The following DIS3L2 variants were observed in gnomAD, a reference collection of about 807,000 sequenced individuals.
DIS3L2 encodes DIS3-like exonuclease 2.
Under a neutral mutation model 97.5 loss-of-function variants are expected in DIS3L2, and 34 were observed. The ratio of observed to expected loss-of-function variants is 0.35; its 90% confidence interval spans 0.27 to 0.46. DIS3L2 has a LOEUF of 0.46. DIS3L2 is among the 20% of genes least tolerant of loss of function. DIS3L2 has a pLI of 1.00. For synonymous variants in DIS3L2, 435 were observed against 445.2 expected, an observed-to-expected ratio of 0.98 and a Z score of 0.29; for missense variants, 1,038 against 1,146.0, an observed-to-expected ratio of 0.91 and a Z score of 1.36.
Position 232,014,993 on chromosome 2 carries a change from A to G in DIS3L2, c.52+14A>G. Reference sequence around the variant, plus strand: ...GGACCCCCAGAGGTAGTAAAAGGAAAATGGAGTCTGCCTGAATAACTGGAG... The same window carrying G: ...GGACCCCCAGAGGTAGTAAAAGGAAGATGGAGTCTGCCTGAATAACTGGAG... On this transcript the variant is annotated intron_variant, in intron 2 of 20. Coordinates refer to ENST00000325385, the MANE Select transcript of DIS3L2 (RefSeq NM_152383.5). 1 of 1,613,768 alleles carries G rather than the reference A, an allele frequency of 6.2e-7. No individual in the cohort carries two copies. Among genetic ancestry groups the G allele is most frequent in the South Asian group, 1.1e-5 (1 of 91,022 alleles).
At chr2:231,998,132 T>G (rs1693778181) in intron 1 of DIS3L2, among the ~76,000 whole-genome samples, 1 of 152,216 alleles carries the variant, frequency 6.6e-6, no homozygotes, top group South Asian at 2.1e-4. Context: ...ATTTGATTTC[T>G]GTTACTATAA....
chr2:232,216,476 A>C (rs1574951172), intron 10 of DIS3L2, among the ~76,000 whole-genome samples: 1 of 152,082 alleles, frequency 6.6e-6, no homozygotes, highest in Non-Finnish European at 1.5e-5. Flanking sequence ...CTTTCCCTGC[A>C]AAGCCACATG....
intron 1 of DIS3L2, among the ~76,000 whole-genome samples, chr2:231,992,307 A>G (rs992556992): frequency 3.3e-5 from 5 of 152,062 alleles, no homozygotes; most frequent in African/African-American, 9.7e-5. Flanking sequence ...CTGTGTGAGA[A>G]TGTGCAGGGA....
intron 8 of DIS3L2, among the ~76,000 whole-genome samples, chr2:232,140,536 A>G (rs1324635922): frequency 6.6e-6 from 1 of 152,224 alleles, no homozygotes; most frequent in African/African-American, 2.4e-5. Flanking sequence ...TTCAAAGTCC[A>G]TGCTTGACAA....
intron 1 of DIS3L2, among the ~76,000 whole-genome samples, chr2:232,001,374 C>A (rs1465696914): frequency 2.0e-5 from 3 of 151,978 alleles, no homozygotes; most frequent in Non-Finnish European, 4.4e-5. Flanking sequence ...CTACCTAGGT[C>A]CTTTTCCCAT....
At chr2:232,174,646 C>T (rs1691097790) in intron 9 of DIS3L2, among the ~76,000 whole-genome samples, 1 of 150,424 alleles carries the variant, frequency 6.6e-6, no homozygotes, top group Admixed American at 6.6e-5. Context: ...CATGGAATTT[C>T]CTGTATTTAG....
intron 11 of DIS3L2, among the ~76,000 whole-genome samples, chr2:232,240,141 C>T (rs1693041029): frequency 6.6e-6 from 1 of 152,206 alleles, no homozygotes; most frequent in African/African-American, 2.4e-5. Context: ...TAGCCGCCTT[C>T]AATATGTGGA....
At chr2:232,266,732 C>G (rs1260657642) in intron 13 of DIS3L2, among the ~76,000 whole-genome samples, 3 of 152,122 alleles carry the variant, frequency 2.0e-5, no homozygotes, top group African/African-American at 7.2e-5. Flanking sequence ...TTTTGAGTAG[C>G]CTACTGTTTG....
chr2:232,288,032 T>C (rs1694493076), intron 13 of DIS3L2, among the ~76,000 whole-genome samples: 1 of 152,152 alleles, frequency 6.6e-6, no homozygotes, highest in African/African-American at 2.4e-5. Context: ...AAGTGATTCT[T>C]CTACCAGGAG....
intron 14 of DIS3L2, among the ~76,000 whole-genome samples, chr2:232,317,193 C>T (rs1029275438): frequency 9.9e-5 from 15 of 152,148 alleles, no homozygotes; most frequent in African/African-American, 2.7e-4. Context: ...GTAAGTGCTG[C>T]GGAAACAAGC....
At chr2:232,173,263 G>A (rs1399600224) in intron 9 of DIS3L2, among the ~76,000 whole-genome samples, 1 of 152,132 alleles carries the variant, frequency 6.6e-6, no homozygotes, top group Non-Finnish European at 1.5e-5. Flanking sequence ...TTTTGAGATG[G>A]CGTCTCTGTT....
chr2:232,302,497 T>C (rs1481434546), intron 14 of DIS3L2, among the ~76,000 whole-genome samples: 2 of 151,984 alleles, frequency 1.3e-5, no homozygotes, highest in Admixed American at 1.3e-4. Flanking sequence ...TCATTCTCAA[T>C]CTTTAGACAA....
At chr2:232,085,499 A>G (rs921381585) in intron 5 of DIS3L2, among the ~76,000 whole-genome samples, 2 of 152,310 alleles carry the variant, frequency 1.3e-5, no homozygotes, top group Admixed American at 1.3e-4. Context: ...GATCAAATTC[A>G]TTTTTTATAT....
rs970333947 is a variant in DIS3L2 at position 232,197,892 on chromosome 2, G to C, written c.1125-12434G>C. Among the ~76,000 whole-genome samples the C allele has an allele frequency of 2.0e-5, 3 of 151,920 alleles. No homozygotes were observed. In the East Asian group the frequency reaches 5.8e-4, roughly 29 times the overall value. ...GGAGAATCACTTGAACCCGGGAGGG[G>C]AGGCGGAGGTTGCAGTGAGCGGAGA... is the stretch of plus-strand genomic sequence containing the variant. On this transcript the variant is annotated intron_variant, in intron 9 of 20. Transcript: ENST00000325385.
chr2:232,210,469 T>C, intron 10 of DIS3L2, 64 bp downstream of exon 10: 1 of 1,462,464 alleles, frequency 6.8e-7, no homozygotes, highest in South Asian at 1.1e-5. Context: ...GTGGTTAGCC[T>C]GGCTGCCCTG....
intron 8 of DIS3L2, among the ~76,000 whole-genome samples, chr2:232,139,440 T>G (rs1698449952): frequency 6.6e-6 from 1 of 152,136 alleles, no homozygotes; most frequent in Non-Finnish European, 1.5e-5. Context: ...GTGGAAAATC[T>G]TACTGGTCTA....
intron 1 of DIS3L2, among the ~76,000 whole-genome samples, chr2:231,979,629 G>C (rs1436828744): frequency 6.6e-6 from 1 of 152,070 alleles, no homozygotes; most frequent in African/African-American, 2.4e-5. Context: ...CCAGGCTGGA[G>C]TGCAGTGGTG....
At chr2:232,057,163 A>T (rs1326863902) in intron 5 of DIS3L2, among the ~76,000 whole-genome samples, 1 of 152,206 alleles carries the variant, frequency 6.6e-6, no homozygotes, top group Non-Finnish European at 1.5e-5. Flanking sequence ...TTCTACTTAT[A>T]AGCATAAAAC....
chr2:232,173,718 T>G (rs1209106299), intron 9 of DIS3L2, among the ~76,000 whole-genome samples: 1 of 152,078 alleles, frequency 6.6e-6, no homozygotes, highest in South Asian at 2.1e-4. Context: ...GAAATTGTCT[T>G]GGCATTTCTT....
Sources: gnomAD v4.1 joint callset for allele counts (sites outside exome capture counted in the v4.1 genomes callset) on GRCh38, gnomAD v4.1.1 for gene constraint, MANE v1.5 for transcripts, NCBI Gene and HGNC (gene_info 2026-07-23, HGNC 2026-07-21) for gene names.